The following DOP1A variants were observed in gnomAD, a reference collection of about 807,000 sequenced individuals.
DOP1A encodes DOP1 leucine zipper like protein A.
DOP1A carries 90 observed loss-of-function variants against 267.6 expected under a neutral mutation model. The ratio of observed to expected loss-of-function variants is 0.34; its 90% CI spans 0.28 to 0.40. The LOEUF is 0.40. DOP1A is among the 10% of genes least tolerant of loss of function. DOP1A has a pLI of 1.00. For missense variants in DOP1A, 2,437 were observed against 2,900.4 expected, an observed-to-expected ratio of 0.84 and a Z score of 3.67; for synonymous variants, 932 against 999.1, an observed-to-expected ratio of 0.93 and a Z score of 1.27.
intron 36 of DOP1A, 49 bp downstream of exon 36, chr6:83,158,671 A>G (rs750177539): frequency 3.6e-5 from 45 of 1,241,568 alleles, no homozygotes; most frequent in Non-Finnish European, 5.1e-5. Context: ...ATACCCTGAA[A>G]TTATTCAGAA....
chr6:83,077,021 A>T (rs1767217005), intron 1 of DOP1A, among the ~76,000 whole-genome samples: 1 of 152,230 alleles, frequency 6.6e-6, no homozygotes, highest in Non-Finnish European at 1.5e-5. Flanking sequence ...GTTATAATAA[A>T]AAGACCCATA....
intron 15 of DOP1A, among the ~76,000 whole-genome samples, chr6:83,126,963 C>T (rs989825037): frequency 6.6e-6 from 1 of 151,830 alleles, no homozygotes; most frequent in Non-Finnish European, 1.5e-5. Context: ...TTGGTTGGCT[C>T]GGGGATGAAA....
intron 20 of DOP1A, 79 bp from the exon 21 acceptor site, chr6:83,137,094 A>T: frequency 1.6e-6 from 2 of 1,266,732 alleles, no homozygotes; most frequent in Non-Finnish European, 2.1e-6. Context: ...AAAAATTTTG[A>T]TCAGTCTACA....
chr6:83,129,224 C>A lies in DOP1A; in HGVS notation c.2057C>A (p.Thr686Asn). 6.2e-7 allele frequency: 1 copy of A among 1,613,490 alleles called. No homozygotes were observed. The highest frequency in any genetic ancestry group is 8.5e-7 in the Non-Finnish European group (1 of 1,179,788). The change falls in exon 16 of 39, where the codon ACC becomes AAC. Residue 686 changes from threonine to asparagine, a missense_variant. Physicochemically the swap from Thr to Asn is moderately conservative, Grantham distance 65. Transcript: ENST00000349129. ...TTGGAGTATGTCCAACAGTTTCTTACCAGACTTATCAACCTCTACATCATT... is the reference window on the plus strand; with the variant it reads ...TTGGAGTATGTCCAACAGTTTCTTAACAGACTTATCAACCTCTACATCATT... ...CCLEYVQQFL[T>N]RLINLYIIQN... is the part of the protein sequence containing the mutation.
At chr6:83,116,222 G>A (rs1775408788) in intron 7 of DOP1A, among the ~76,000 whole-genome samples, 2 of 152,086 alleles carry the variant, frequency 1.3e-5, no homozygotes, top group African/African-American at 2.4e-5. Flanking sequence ...ACAATATTAA[G>A]TCTTAAACCA....
chr6:83,124,420 C>G (rs1353950090), intron 12 of DOP1A, among the ~76,000 whole-genome samples: 1 of 152,042 alleles, frequency 6.6e-6, no homozygotes, highest in Non-Finnish European at 1.5e-5. Context: ...GAGGTGATAT[C>G]TATACAGGAA....
chr6:83,125,171 T>A lies in DOP1A; in HGVS notation c.1461T>A (p.Thr487=). The change falls in exon 14 of 39, where the codon ACT becomes ACA. Residue 487 remains threonine (T), a synonymous_variant. Transcript: ENST00000349129. ...TTTGCTTTCTCATTTTGAAGCCTAC[T>A]AGAAGTATGAGGGTGCTGTGTCAGG... is the stretch of plus-strand genomic sequence containing the variant. ...DFLLDIVSLP[T]RSMRVLCQET... 2 of 1,584,118 alleles carry A rather than the reference T, an allele frequency of 1.3e-6. No homozygotes were observed. The highest frequency in any genetic ancestry group is 1.7e-6 in the Non-Finnish European group (2 of 1,171,798).
chr6:83,069,607 C>G (rs1785268889), intron 1 of DOP1A, among the ~76,000 whole-genome samples: 1 of 152,092 alleles, frequency 6.6e-6, no homozygotes, highest in Non-Finnish European at 1.5e-5. Flanking sequence ...TGGCAACTCA[C>G]TTGTATAAAA....
At position 83,142,184 on chromosome 6, in the gene DOP1A, T is replaced by C. The variant is rs1002469039; in HGVS notation, c.5541+138T>C. On this transcript the variant is annotated intron_variant, in intron 24 of 38. Coordinates refer to ENST00000349129, the MANE Select transcript of DOP1A (RefSeq NM_015018.4). ...AGTCTGTCGACAGCTTTAGATAAAT[T>C]GTTGCCTTAATTTCTTTAAGTATTG... is the stretch of plus-strand genomic sequence containing the variant. The C allele has an allele frequency of 3.6e-6, 4 of 1,115,828 alleles. No individual in the cohort carries two copies. In the African/African-American group the frequency reaches 4.9e-5, roughly 14 times the overall value. 69.1% of individuals were successfully genotyped at this position (1,115,828 alleles called of 1,614,324 possible).
intron 1 of DOP1A, among the ~76,000 whole-genome samples, chr6:83,092,033 A>G (rs1770511577): frequency 6.6e-6 from 1 of 152,164 alleles, no homozygotes; most frequent in African/African-American, 2.4e-5. Context: ...CCTTCATTCC[A>G]TATATGTCAC....
chr6:83,157,088 C>A, intron 34 of DOP1A, 94 bp from the exon 35 acceptor site: 1 of 1,259,700 alleles, frequency 7.9e-7, no homozygotes, highest in Non-Finnish European at 1.1e-6. Context: ...TTATCCTTTA[C>A]TACAGATAGT....
chr6:83,111,181 C>T (rs558224687), intron 6 of DOP1A, among the ~76,000 whole-genome samples: 1 of 152,110 alleles, frequency 6.6e-6, no homozygotes, highest in East Asian at 1.9e-4. Context: ...AACTCCTGAC[C>T]TCAGGTAATC....
chr6:83,087,344 G>A (rs926069381), intron 1 of DOP1A, among the ~76,000 whole-genome samples: 1 of 152,112 alleles, frequency 6.6e-6, no homozygotes, highest in Non-Finnish European at 1.5e-5. Flanking sequence ...TTTGAAGTTT[G>A]TGCTTCTCAA....
chr6:83,117,557 T>A (rs1235915073), intron 7 of DOP1A, among the ~76,000 whole-genome samples: 1 of 152,210 alleles, frequency 6.6e-6, no homozygotes. Flanking sequence ...AGTACATGGC[T>A]GTGAAAATAT....
chr6:83,158,659 T>G (rs1007078847), intron 36 of DOP1A, 37 bp downstream of exon 36: 3 of 1,417,462 alleles, frequency 2.1e-6, no homozygotes, highest in East Asian at 4.6e-5. Flanking sequence ...GTCCATTTTT[T>G]AATACCCTGA....
At chr6:83,128,743 A>C in intron 15 of DOP1A, 144 bp from the exon 16 acceptor site, 1 of 883,434 alleles carries the variant, frequency 1.1e-6, no homozygotes, top group Non-Finnish European at 1.6e-6. Flanking sequence ...GAATGAATAA[A>C]TCAGTGTGGG....
At position 83,129,411 on chromosome 6, in the gene DOP1A, T is replaced by C. The variant is rs1258801312; in HGVS notation, c.2244T>C (p.Leu748=). ...KTSKEYLSAF[L]AACQLFLECS... is the part of the protein sequence containing the mutation. ...CTAAAGAATACCTGTCTGCCTTCCT[T>C]GCTGCCTGTCAGCTCTTCCTAGAGT... The change falls in exon 16 of 39, where the codon CTT becomes CTC. Residue 748 remains leucine (L), a synonymous_variant. Coordinates refer to ENST00000349129, the MANE Select transcript of DOP1A (RefSeq NM_015018.4). 1.2e-6 allele frequency: 2 copies of C among 1,611,242 alleles called. No homozygotes were observed. The highest frequency in any genetic ancestry group is 2.7e-5 in the African/African-American group (2 of 74,804).
chr6:83,170,629 T>G, downstream of DOP1A: 1 of 635,516 alleles, frequency 1.6e-6, no homozygotes. Context: ...ATTTCAACAT[T>G]TGTGCAACTT....
In DOP1A at chr6:83,100,323, G is replaced by C. The variant is rs1487408828; in HGVS notation, c.139-382G>C. 4.6e-5 allele frequency among the ~76,000 whole-genome samples: 7 copies of C among 152,026 alleles called. No homozygotes were observed. In the East Asian group the frequency reaches 1.3e-3, roughly 29 times the overall value. On this transcript the variant is annotated intron_variant, in intron 3 of 38. Transcript: ENST00000349129. ...CTTTGAGGCCAGACTTTATTTCAAAGTAGCAAAAATGGATTGAAGGCTGTA... is the reference window on the plus strand; with the variant it reads ...CTTTGAGGCCAGACTTTATTTCAAACTAGCAAAAATGGATTGAAGGCTGTA...
Sources: gnomAD v4.1 joint callset for allele counts (sites outside exome capture counted in the v4.1 genomes callset) on GRCh38, gnomAD v4.1.1 for gene constraint, MANE v1.5 for transcripts, NCBI Gene and HGNC (gene_info 2026-07-23, HGNC 2026-07-21) for gene names.